The following KLHL1 variants were observed in gnomAD, a reference collection of about 807,000 sequenced individuals.
The protein encoded by KLHL1 is kelch like family member 1, also known as kelch-like protein 1.
Under a neutral mutation model 77.7 loss-of-function variants are expected in KLHL1, and 47 were observed. The observed-to-expected ratio is 0.60, with a 90% CI of 0.48 to 0.77. The LOEUF is 0.77. Ranked by LOEUF, KLHL1 falls within the 30% of genes least tolerant of loss-of-function variation. KLHL1 has a pLI of 0.00. For synonymous variants in KLHL1, 360 were observed against 325.2 expected (o/e 1.11, Z -1.15); for missense variants, 925 against 910.8 (o/e 1.02, Z -0.20).
At chr13:69,864,117 T>TATAGC (rs1311875109) in intron 5 of KLHL1, among the ~76,000 whole-genome samples, 1 of 152,014 alleles carries the variant, frequency 6.6e-6, no homozygotes, top group Non-Finnish European at 1.5e-5. Flanking sequence ...ATATCATTTT[T>TATAGC]ATAGCATCTA....
chr13:69,732,834 G>C (rs1873608130), intron 8 of KLHL1, among the ~76,000 whole-genome samples: 1 of 152,032 alleles, frequency 6.6e-6, no homozygotes, highest in Non-Finnish European at 1.5e-5. Context: ...TCTTCTCAGA[G>C]CACTGGGTCC....
chr13:69,805,005 A>G (rs1325529746), intron 6 of KLHL1, among the ~76,000 whole-genome samples: 2 of 152,026 alleles, frequency 1.3e-5, no homozygotes, highest in Non-Finnish European at 2.9e-5. Context: ...ATTGACTTTC[A>G]TGTATTCATA....
intron 7 of KLHL1, among the ~76,000 whole-genome samples, chr13:69,768,783 G>T (rs552326285): frequency 7.9e-5 from 12 of 151,896 alleles, no homozygotes; most frequent in East Asian, 5.8e-4. Context: ...GAGATTTTTT[G>T]ATTTTATTCT....
intron 7 of KLHL1, among the ~76,000 whole-genome samples, chr13:69,774,005 C>A (rs1208844495): frequency 6.6e-6 from 1 of 151,700 alleles, no homozygotes; most frequent in Admixed American, 6.6e-5. Flanking sequence ...TTCACAAATA[C>A]AATTGTGTTA....
chr13:69,705,767 C>A (rs193177427), intron 10 of KLHL1, among the ~76,000 whole-genome samples: 1 of 151,484 alleles, frequency 6.6e-6, no homozygotes, highest in African/African-American at 2.4e-5. Context: ...TTGTAAAATA[C>A]TATATGATCC....
At chr13:69,887,179 G>T (rs1226560701) in intron 4 of KLHL1, among the ~76,000 whole-genome samples, 1 of 152,114 alleles carries the variant, frequency 6.6e-6, no homozygotes, top group Admixed American at 6.6e-5. Flanking sequence ...CATGATATAT[G>T]CATGGTTCTA....
chr13:70,098,278 T>C (rs910641289), intron 1 of KLHL1, among the ~76,000 whole-genome samples: 1 of 151,874 alleles, frequency 6.6e-6, no homozygotes, highest in Non-Finnish European at 1.5e-5. Context: ...AAACTTAGAG[T>C]AATTTAGAAA....
chr13:69,836,292 A>G (rs1398243607), intron 6 of KLHL1, among the ~76,000 whole-genome samples: 2 of 152,094 alleles, frequency 1.3e-5, no homozygotes, highest in Admixed American at 6.6e-5. Flanking sequence ...CAGAAAAGAG[A>G]ATGGCAGGGC....
At chr13:70,067,782 A>G (rs1793576597) in intron 1 of KLHL1, among the ~76,000 whole-genome samples, 1 of 152,150 alleles carries the variant, frequency 6.6e-6, no homozygotes, top group South Asian at 2.1e-4. Context: ...AGTGAGAGCC[A>G]CCATCTTTTC....
chr13:70,078,197 A>G (rs1468930247), intron 1 of KLHL1, among the ~76,000 whole-genome samples: 1 of 152,076 alleles, frequency 6.6e-6, no homozygotes. Flanking sequence ...ATCAAAAAAA[A>G]AAAGTATAAT....
At chr13:70,014,624 G>T (rs1194628470) in intron 1 of KLHL1, among the ~76,000 whole-genome samples, 3 of 152,070 alleles carry the variant, frequency 2.0e-5, no homozygotes, top group African/African-American at 7.2e-5. Flanking sequence ...CATGTATAAT[G>T]AAAATCTCCA....
chr13:69,776,161 AAAAAAT>A (rs1490113074), intron 7 of KLHL1, among the ~76,000 whole-genome samples: 3 of 152,040 alleles, frequency 2.0e-5, no homozygotes, highest in Admixed American at 6.5e-5. Context: ...GTCTCGGAAA[AAAAAAT>A]AAAAATAAAA....
chr13:69,896,411 G>A (rs764104257), intron 4 of KLHL1, among the ~76,000 whole-genome samples: 2 of 152,094 alleles, frequency 1.3e-5, no homozygotes, highest in Non-Finnish European at 2.9e-5. Flanking sequence ...AGCTAGATAA[G>A]TATTTGAATA....
intron 8 of KLHL1, among the ~76,000 whole-genome samples, chr13:69,720,810 T>G (rs116945011): frequency 0.06 from 9,009 of 150,446 alleles, 388 homozygotes; most frequent in Non-Finnish European, 0.089. Context: ...GAGGCTGAGG[T>G]GAGAGTGGTG....
chr13:69,876,060 T>C (rs548612947), intron 5 of KLHL1, among the ~76,000 whole-genome samples: 9 of 152,290 alleles, frequency 5.9e-5, no homozygotes, highest in Admixed American at 5.2e-4. Context: ...ATAAGAGTTT[T>C]AATTTTTTCC....
chr13:69,902,538 A>G (rs1466360715), intron 4 of KLHL1, among the ~76,000 whole-genome samples: 1 of 152,198 alleles, frequency 6.6e-6, no homozygotes, highest in African/African-American at 2.4e-5. Flanking sequence ...TGGATTAAGA[A>G]AATGTGGCAT....
At chr13:70,006,001 C>T (rs938230593) in intron 1 of KLHL1, among the ~76,000 whole-genome samples, 7 of 151,944 alleles carry the variant, frequency 4.6e-5, no homozygotes, top group African/African-American at 1.7e-4. Flanking sequence ...TATTTAGCAA[C>T]GATGCTCCAT....
At chr13:69,942,696 G>A (rs1227376788) in intron 3 of KLHL1, among the ~76,000 whole-genome samples, 1 of 151,928 alleles carries the variant, frequency 6.6e-6, no homozygotes, top group Non-Finnish European at 1.5e-5. Context: ...TATTTATGTT[G>A]TAGCTGCAAA....
chr13:69,724,962 A>G (rs1056599687), intron 8 of KLHL1, among the ~76,000 whole-genome samples: 1 of 152,160 alleles, frequency 6.6e-6, no homozygotes. Flanking sequence ...TATTTCCCCC[A>G]AGCCTCACCA....
Sources: allele counts gnomAD v4.1 joint callset (sites outside exome capture counted in the v4.1 genomes callset), GRCh38; gene constraint gnomAD v4.1.1; transcripts MANE v1.5; gene names NCBI Gene and HGNC (gene_info 2026-07-23, HGNC 2026-07-21).